NRP1: variants seen among roughly 807,000 people sequenced by gnomAD.
The protein encoded by NRP1 is neuropilin-1.
NRP1 carries 35 observed loss-of-function variants against 106.7 expected under a neutral mutation model. That is an observed-to-expected ratio of 0.33 (90% CI 0.25 to 0.43). The LOEUF is 0.43. Ranked by LOEUF, NRP1 falls within the 20% of genes least tolerant of loss-of-function variation. NRP1 has a pLI of 1.00. For synonymous variants in NRP1, 437 were observed against 417.9 expected (o/e 1.05, Z -0.56); for missense variants, 1,024 against 1,170.4 (o/e 0.87, Z 1.83).
At chr10:33,256,618 G>A in intron 4 of NRP1, 147 bp from the exon 5 acceptor site, 1 of 849,194 alleles carries the variant, frequency 1.2e-6, no homozygotes, top group South Asian at 1.7e-5. Context: ...TTGGTTTGCT[G>A]TGAACATATT....
chr10:33,285,519 A>T (rs1401462711), intron 2 of NRP1, among the ~76,000 whole-genome samples: 1 of 152,170 alleles, frequency 6.6e-6, no homozygotes, highest in Non-Finnish European at 1.5e-5. Context: ...TTCCTACCAC[A>T]GGATTTCTCA....
At chr10:33,282,317 C>T (rs1844201809) in intron 2 of NRP1, among the ~76,000 whole-genome samples, 1 of 152,158 alleles carries the variant, frequency 6.6e-6, no homozygotes, top group African/African-American at 2.4e-5. Context: ...GTCCGGCTTA[C>T]TGCATCACAA....
At chr10:33,314,130 GGCTAGAGT>G (rs1296557553) in intron 2 of NRP1, among the ~76,000 whole-genome samples, 2 of 140,958 alleles carry the variant, frequency 1.4e-5, no homozygotes, top group Non-Finnish European at 3.1e-5. Context: ...CTGTGGCCCA[GGCTAGAGT>G]GCAGTGGTGT....
At chr10:33,313,539 T>C (rs931358448) in intron 2 of NRP1, among the ~76,000 whole-genome samples, 2 of 152,156 alleles carry the variant, frequency 1.3e-5, no homozygotes, top group Admixed American at 1.3e-4. Context: ...CTTTGTAATA[T>C]GCTCTATGGC....
chr10:33,213,295 A>T, intron 9 of NRP1, 91 bp downstream of exon 9: 1 of 1,613,914 alleles, frequency 6.2e-7, no homozygotes, highest in Non-Finnish European at 8.5e-7. Flanking sequence ...GCTGGAAGGA[A>T]ATAAGAAGCC....
intron 6 of NRP1, among the ~76,000 whole-genome samples, chr10:33,240,268 A>C (rs1290706098): frequency 1.3e-5 from 2 of 152,256 alleles, no homozygotes; most frequent in Admixed American, 1.3e-4. Context: ...AGACTAGGAA[A>C]GTATTAAATA....
At position 33,197,693 on chromosome 10, in the gene NRP1, C is replaced by T; in HGVS notation, c.1881G>A (p.Leu627=). Residue 627 remains leucine, a synonymous_variant, in exon 12 of 17, where the codon CTG becomes CTA. Transcript: ENST00000374867. The stretch of plus-strand genomic sequence containing the variant: ...CTATGACCGTGGGCTTTTCTGTGGC[C>T]AGCACAGTGGTGCCACCTGAAAAAC... The part of the protein sequence containing the change: ...DFQLTGGTTV[L]ATEKPTVIDS... 2 of 1,601,610 alleles carry T rather than the reference C, an allele frequency of 1.2e-6. No homozygotes were observed. The highest frequency in any genetic ancestry group is 1.7e-6 in the Non-Finnish European group (2 of 1,173,362).
At position 33,177,526 on chromosome 10, in the gene NRP1, T is replaced by C. The variant is rs1835452896; in HGVS notation, c.*2550A>G. On this transcript the variant is annotated 3_prime_UTR_variant, in exon 17 of 17. Coordinates refer to ENST00000374867, the MANE Select transcript of NRP1 (RefSeq NM_003873.7). The stretch of plus-strand genomic sequence containing the variant: ...TTTATGAAAATGTTTAATTCAACTG[T>C]TTCTTTGGAATGTAGTAGTCATAGT... The C allele has an allele frequency of 1.3e-5, 2 of 152,768 alleles. No individual in the cohort carries two copies. The highest frequency in any genetic ancestry group is 4.1e-4 in the South Asian group (2 of 4,832). The allele number at this position is 152,768 out of a possible 1,614,324, so 9.5% of individuals were successfully genotyped here.
At chr10:33,232,942 C>G (rs1400861852) in intron 6 of NRP1, among the ~76,000 whole-genome samples, 2 of 152,044 alleles carry the variant, frequency 1.3e-5, no homozygotes, top group Non-Finnish European at 2.9e-5. Context: ...GCCACCGTGC[C>G]CAGCTGGTGA....
intron 6 of NRP1, among the ~76,000 whole-genome samples, chr10:33,233,074 C>T (rs964604914): frequency 1.3e-5 from 2 of 152,250 alleles, no homozygotes; most frequent in South Asian, 4.1e-4. Context: ...GAAAGTCTAC[C>T]CACAACTTAC....
At chr10:33,258,759 T>C (rs543238290) in intron 4 of NRP1, among the ~76,000 whole-genome samples, 4 of 152,314 alleles carry the variant, frequency 2.6e-5, no homozygotes, top group Admixed American at 1.3e-4. Flanking sequence ...ACACTTTTTT[T>C]TTCTTATCTC....
intron 6 of NRP1, among the ~76,000 whole-genome samples, chr10:33,248,570 A>T (rs1198116059): frequency 6.6e-6 from 1 of 152,242 alleles, no homozygotes; most frequent in African/African-American, 2.4e-5. Context: ...AAAATGGGGA[A>T]GACGTTAATA....
intron 2 of NRP1, among the ~76,000 whole-genome samples, chr10:33,292,372 T>C (rs941594780): frequency 2.6e-5 from 4 of 152,214 alleles, no homozygotes; most frequent in African/African-American, 9.6e-5. Context: ...TATCAAACTC[T>C]TGATTGTAGG....
chr10:33,328,118 C>T (rs1398132333), intron 2 of NRP1, among the ~76,000 whole-genome samples: 1 of 152,012 alleles, frequency 6.6e-6, no homozygotes, highest in Non-Finnish European at 1.5e-5. Flanking sequence ...ATCTTCTTGG[C>T]CATGTCAGTT....
In NRP1 at chr10:33,234,638, A is replaced by C. The variant is rs1020198225; in HGVS notation, c.982-8349T>G. ...TTTGAGCAAAGGATAACAATTGAAC[A>C]CTTTAAAATTAGGGTAAAGAATAAA... is the stretch of plus-strand genomic sequence containing the variant. On this transcript the variant is annotated intron_variant, in intron 6 of 16. Transcript: ENST00000374867. 1.1e-4 allele frequency among the ~76,000 whole-genome samples: 16 copies of C among 152,340 alleles called. No homozygotes were observed. The East Asian group carries it at 1.9e-3, about 18-fold the overall frequency.
rs1011075483 is a variant in NRP1, at chr10:33,298,582, G to A, written c.249-27726C>T. On this transcript the variant is annotated intron_variant, in intron 2 of 16. Coordinates refer to ENST00000374867, the MANE Select transcript of NRP1 (RefSeq NM_003873.7). ...TCTCCTCCTTGCTGGCTGGGGAGCAGGAGGTCTCATAATTCTGTATCTGGC... is the reference window on the plus strand; with the variant it reads ...TCTCCTCCTTGCTGGCTGGGGAGCAAGAGGTCTCATAATTCTGTATCTGGC... Among the ~76,000 whole-genome samples the A allele has an allele frequency of 2.6e-5, 4 of 152,308 alleles. No individual in the cohort carries two copies. The South Asian group carries it at 8.3e-4, about 32-fold the overall frequency.
At chr10:33,215,876 C>T (rs1050256316) in intron 8 of NRP1, among the ~76,000 whole-genome samples, 1 of 152,194 alleles carries the variant, frequency 6.6e-6, no homozygotes. Context: ...TGCAAGGCCT[C>T]TCCCCATTCA....
At chr10:33,267,341 G>A (rs1331881220) in intron 3 of NRP1, among the ~76,000 whole-genome samples, 3 of 152,162 alleles carry the variant, frequency 2.0e-5, no homozygotes, top group Non-Finnish European at 4.4e-5. Flanking sequence ...AGCCCTGGGT[G>A]CCTAGGAGTA....
Position 33,224,728 on chromosome 10 carries a change from G to A in NRP1, c.1137+1406C>T, listed in dbSNP as rs147294283. Among the ~76,000 whole-genome samples the A allele has an allele frequency of 1.4e-4, 22 of 152,028 alleles. No homozygotes were observed. The East Asian group carries it at 3.9e-3, about 27-fold the overall frequency. On this transcript the variant is annotated intron_variant, in intron 7 of 16. Transcript: ENST00000374867. The stretch of plus-strand genomic sequence containing the variant: ...TGCTCTCCGTCCTCCCACATACCCC[G>A]CTACCGACAAGTCCCAGTGTGTGTT...
Sources: gnomAD v4.1 joint callset for allele counts (sites outside exome capture counted in the v4.1 genomes callset) on GRCh38, gnomAD v4.1.1 for gene constraint, MANE v1.5 for transcripts, NCBI Gene and HGNC (gene_info 2026-07-23, HGNC 2026-07-21) for gene names.